The following VEGFD variants were observed in gnomAD, a reference collection of about 807,000 sequenced individuals.
VEGFD encodes the protein c-fos induced growth factor (vascular endothelial growth factor D).
A neutral mutation model predicts 28.0 loss-of-function variants in VEGFD; 26 were observed. The ratio of observed to expected loss-of-function variants is 0.93; its 90% CI spans 0.68 to 1.29. The LOEUF (loss-of-function observed/expected upper bound fraction) is 1.29, where lower values mean the gene tolerates loss of function less well. Among genes scored for constraint, VEGFD ranks in the 50% most tolerant of loss-of-function variants. The pLI, the probability that VEGFD is intolerant of heterozygous loss-of-function variation, is 0.00. For missense variants in VEGFD, 294 were observed against 273.4 expected (o/e 1.08, Z -0.53); for synonymous variants, 93 against 95.5 (o/e 0.97, Z 0.15).
At chrX:15,356,957 T>C (rs1922882357) in intron 3 of VEGFD, among the ~76,000 whole-genome samples, 1 of 112,368 alleles carries the variant, frequency 8.9e-6, no homozygotes, top group Non-Finnish European at 1.9e-5. Context: ...GCATGTAATT[T>C]TCTTGTACTA....
At chrX:15,362,591 T>C (rs1217785063) in intron 2 of VEGFD, among the ~76,000 whole-genome samples, 1 of 110,539 alleles carries the variant, frequency 9.0e-6, no homozygotes, top group Non-Finnish European at 1.9e-5. Context: ...TATTTTTTTC[T>C]ATTTTTTTGT....
chrX:15,362,234 T>C (rs924004240), intron 2 of VEGFD, among the ~76,000 whole-genome samples: 25 of 111,938 alleles, frequency 2.2e-4, no homozygotes, highest in Admixed American at 2.0e-3. Context: ...TCAAATTATG[T>C]TATTTTCTAG....
At chrX:15,367,986 A>AAAGAAAGAAAG in intron 1 of VEGFD, among the ~76,000 whole-genome samples, 1 of 66,634 alleles carries the variant, frequency 1.5e-5, no homozygotes, top group East Asian at 4.1e-4. Flanking sequence ...AAGAAAAAGA[A>AAAGAAAGAAAG]AAAGAAAGAA....
At chrX:15,368,022 GAAA>G (rs1299444128) in intron 1 of VEGFD, among the ~76,000 whole-genome samples, 86 of 83,967 alleles carry the variant, frequency 1.0e-3, no homozygotes, top group African/African-American at 3.6e-3. Context: ...AAGAAAGAAA[GAAA>G]GAAAGGAAAG....
At chrX:15,364,555 A>T (rs889051232) in intron 1 of VEGFD, among the ~76,000 whole-genome samples, 2 of 112,093 alleles carry the variant, frequency 1.8e-5, no homozygotes, top group African/African-American at 3.2e-5. Context: ...TCCTTCCTGG[A>T]ATGTGCTGGA....
At chrX:15,347,931 G>A (rs1982660677) in intron 5 of VEGFD, among the ~76,000 whole-genome samples, 1 of 112,342 alleles carries the variant, frequency 8.9e-6, no homozygotes, top group East Asian at 2.8e-4. Context: ...GGTCTGAGAA[G>A]TTTTTGACAT....
rs748347679 is a variant in VEGFD, at chrX:15,378,796, AT to A, written c.90+5060del. On this transcript the variant is annotated intron_variant, in intron 1 of 6. Transcript: ENST00000297904. Reference sequence around the variant, plus strand: ...TTTACATTTTCCAATGGTTGAAACAATTTTTTTTTTAATTTCATGATGCAGG... The same window carrying A: ...TTTACATTTTCCAATGGTTGAAACAATTTTTTTTTAATTTCATGATGCAGG... Among the ~76,000 whole-genome samples, 588 of 109,179 alleles carry A rather than the reference AT, an allele frequency of 5.4e-3. 5 individuals carry two copies. Among genetic ancestry groups the A allele is most frequent in the African/African-American group, 0.018 (536 of 30,026 alleles). 94.8% of individuals were successfully genotyped at this position (109,179 alleles called of 115,157 possible).
chrX:15,346,965 G>T (rs752418683), intron 6 of VEGFD, among the ~76,000 whole-genome samples, 199 bp downstream of exon 6: 72 of 111,177 alleles, frequency 6.5e-4, no homozygotes, highest in African/African-American at 2.3e-3. Context: ...TAACAGGCAG[G>T]ATTGATTTTC....
chrX:15,357,863 C>A (rs1922904912), intron 3 of VEGFD, 140 bp downstream of exon 3: 2 of 516,067 alleles, frequency 3.9e-6, no homozygotes, highest in Non-Finnish European at 6.1e-6. Context: ...CATAAAATAC[C>A]CTCTTGATTT....
chrX:15,379,817 T>C (rs932686907), intron 1 of VEGFD, among the ~76,000 whole-genome samples: 1 of 112,161 alleles, frequency 8.9e-6, no homozygotes, highest in African/African-American at 3.2e-5. Context: ...TGTGGACAAA[T>C]ACTATATTCT....
At chrX:15,348,354 A>G (rs950833668) in intron 5 of VEGFD, among the ~76,000 whole-genome samples, 6 of 112,284 alleles carry the variant, frequency 5.3e-5, no homozygotes, top group African/African-American at 1.9e-4. Flanking sequence ...CACCACCACA[A>G]GTTTTATCCC....
intron 3 of VEGFD, among the ~76,000 whole-genome samples, chrX:15,357,123 C>T (rs1024628580): frequency 2.7e-5 from 3 of 112,011 alleles, no homozygotes; most frequent in Non-Finnish European, 3.8e-5. Context: ...TACTACTGCT[C>T]TCATATGCGA....
chrX:15,352,255 ATAGAT>A (rs748669211), intron 5 of VEGFD, among the ~76,000 whole-genome samples: 1 of 111,724 alleles, frequency 9.0e-6, no homozygotes, highest in African/African-American at 3.3e-5. Flanking sequence ...GTTCTTGCTT[ATAGAT>A]TATAGTTTAA....
At chrX:15,349,563 G>A (rs1295457047) in intron 5 of VEGFD, among the ~76,000 whole-genome samples, 2 of 112,050 alleles carry the variant, frequency 1.8e-5, no homozygotes, top group African/African-American at 6.5e-5. Context: ...TCTTGAAATT[G>A]TAGCTCTCTT....
chrX:15,376,027 C>A (rs1447872814), intron 1 of VEGFD, among the ~76,000 whole-genome samples: 1 of 111,518 alleles, frequency 9.0e-6, no homozygotes, highest in Non-Finnish European at 1.9e-5. Flanking sequence ...GAAGTATGCT[C>A]TGAATAACCC....
intron 3 of VEGFD, among the ~76,000 whole-genome samples, chrX:15,356,476 C>T (rs959120744): frequency 5.3e-5 from 6 of 112,196 alleles, no homozygotes; most frequent in African/African-American, 1.9e-4. Flanking sequence ...TGAAATTAAT[C>T]ATTTGTTGAG....
chrX:15,364,459 T>C (rs936445685), intron 1 of VEGFD, among the ~76,000 whole-genome samples: 1 of 112,008 alleles, frequency 8.9e-6, no homozygotes, highest in Admixed American at 9.5e-5. Flanking sequence ...CTTAGTTATA[T>C]AAATAATGAT....
At chrX:15,383,127 GTCAAAACAATTACATCCGAATCATTT>G (rs1377007126) in intron 1 of VEGFD, among the ~76,000 whole-genome samples, 1 of 111,832 alleles carries the variant, frequency 8.9e-6, no homozygotes. Flanking sequence ...CACCACTTCA[GTCAAAACAATTACATCCGAATCATTT>G]TCAAAATAGA....
intron 2 of VEGFD, 105 bp downstream of exon 2, chrX:15,363,004 C>A (rs1238899694): frequency 8.9e-6 from 6 of 676,155 alleles, no homozygotes; most frequent in Non-Finnish European, 1.3e-5. Flanking sequence ...GACTTTCATT[C>A]TCCCTCTGAC....
Sources: gnomAD v4.1 joint callset for allele counts (sites outside exome capture counted in the v4.1 genomes callset) on GRCh38, gnomAD v4.1.1 for gene constraint, MANE v1.5 for transcripts, NCBI Gene and HGNC (gene_info 2026-07-23, HGNC 2026-07-21) for gene names.